Variants in MMS22L observed in about 807,000 individuals in gnomAD.
MMS22L encodes MMS22 like, DNA repair protein.
MMS22L carries 74 observed loss-of-function variants against 159.1 expected under a neutral mutation model. The observed-to-expected ratio is 0.47, with a 90% CI of 0.39 to 0.56. MMS22L has a LOEUF of 0.56. Ranked by LOEUF, MMS22L falls within the 20% of genes least tolerant of loss-of-function variation. The pLI is 0.00. For synonymous variants in MMS22L, 517 were observed against 506.9 expected (o/e 1.02, Z -0.27); for missense variants, 1,351 against 1,422.1 (o/e 0.95, Z 0.80).
At chr6:97,209,716 AAATT>A (rs903779612) in intron 14 of MMS22L, among the ~76,000 whole-genome samples, 3 of 152,028 alleles carry the variant, frequency 2.0e-5, no homozygotes, top group Admixed American at 1.3e-4. Context: ...TTTTTTGACT[AAATT>A]ATTTAACTAA....
chr6:97,198,542 A>G (rs1266784013), intron 14 of MMS22L, among the ~76,000 whole-genome samples: 1 of 152,202 alleles, frequency 6.6e-6, no homozygotes, highest in East Asian at 1.9e-4. Flanking sequence ...GCATATAAGA[A>G]GCACTATGTA....
chr6:97,160,564 C>T (rs1212114407), intron 22 of MMS22L, among the ~76,000 whole-genome samples: 1 of 152,122 alleles, frequency 6.6e-6, no homozygotes, highest in East Asian at 1.9e-4. Context: ...GGCATCTTTA[C>T]TATAATGTAT....
At chr6:97,170,168 G>A (rs185955703) in intron 19 of MMS22L, among the ~76,000 whole-genome samples, 15 of 152,200 alleles carry the variant, frequency 9.9e-5, no homozygotes, top group East Asian at 1.9e-4. Flanking sequence ...TACTATCTGC[G>A]GTTTCAGGCA....
chr6:97,237,564 G>A (rs916235335), intron 11 of MMS22L, among the ~76,000 whole-genome samples: 5 of 152,218 alleles, frequency 3.3e-5, no homozygotes, highest in Middle Eastern at 3.4e-3. Flanking sequence ...GTGTCTAAGA[G>A]CTCTCTGAAA....
intron 22 of MMS22L, among the ~76,000 whole-genome samples, chr6:97,155,921 A>G (rs903461745): frequency 6.6e-6 from 1 of 152,150 alleles, no homozygotes; most frequent in Non-Finnish European, 1.5e-5. Flanking sequence ...TGTCTTCCAC[A>G]ATGGTTGAAC....
chr6:97,225,284 T>G (rs1330527974), intron 14 of MMS22L, among the ~76,000 whole-genome samples: 1 of 152,208 alleles, frequency 6.6e-6, no homozygotes, highest in African/African-American at 2.4e-5. Context: ...GTATTTTTAA[T>G]GTCTATCCAG....
intron 21 of MMS22L, among the ~76,000 whole-genome samples, chr6:97,163,504 T>C (rs1292792308): frequency 3.3e-5 from 5 of 152,134 alleles, no homozygotes; most frequent in African/African-American, 4.8e-5. Flanking sequence ...GTTAAGTAAA[T>C]AGGAAAGTCA....
chr6:97,213,400 C>A (rs1396204730), intron 14 of MMS22L, among the ~76,000 whole-genome samples: 1 of 151,914 alleles, frequency 6.6e-6, no homozygotes, highest in Non-Finnish European at 1.5e-5. Context: ...GAGCAAAACT[C>A]CACCTCAAAA....
intron 10 of MMS22L, chr6:97,253,995 T>C (rs879754022): frequency 4.6e-5 from 7 of 152,356 alleles, no homozygotes; most frequent in Admixed American, 2.0e-4. Context: ...ATTTTATTCA[T>C]AGGGTTTTTA....
At chr6:97,186,998 G>A (rs1423083077) in intron 14 of MMS22L, among the ~76,000 whole-genome samples, 14 of 151,332 alleles carry the variant, frequency 9.3e-5, no homozygotes, top group Admixed American at 3.3e-4. Context: ...CATGACAAGT[G>A]ATTTTTACTT....
chr6:97,268,084 TAAC>T (rs1423479321), intron 7 of MMS22L, 82 bp from the exon 8 acceptor site: 6 of 977,526 alleles, frequency 6.1e-6, no homozygotes. Flanking sequence ...CTTTAAATTA[TAAC>T]AAAACTAAAA....
chr6:97,186,472 T>C, intron 15 of MMS22L, 25 bp downstream of exon 15: 3 of 1,592,988 alleles, frequency 1.9e-6, no homozygotes, highest in East Asian at 2.3e-5. Flanking sequence ...AAAGAGAAAT[T>C]AGCAAATTAA....
At chr6:97,247,226 C>T (rs1183970781) in intron 10 of MMS22L, among the ~76,000 whole-genome samples, 1 of 152,100 alleles carries the variant, frequency 6.6e-6, no homozygotes, top group East Asian at 1.9e-4. Flanking sequence ...AAAGGACTTT[C>T]ACAAAGGCTA....
chr6:97,161,582 C>G (rs185238708), intron 22 of MMS22L, among the ~76,000 whole-genome samples: 23 of 151,814 alleles, frequency 1.5e-4, no homozygotes, highest in Admixed American at 9.2e-4. Context: ...ATCAAAGGAC[C>G]CCTACCGGTT....
At chr6:97,178,856 C>T (rs17057481) in intron 17 of MMS22L, among the ~76,000 whole-genome samples, 14,718 of 151,426 alleles carry the variant, frequency 0.097, 1,414 homozygotes, top group African/African-American at 0.25. Flanking sequence ...TTCAGGCCAA[C>T]CTTCATGAAA....
At chr6:97,173,730 G>A (rs886071618) in intron 18 of MMS22L, among the ~76,000 whole-genome samples, 2 of 152,014 alleles carry the variant, frequency 1.3e-5, no homozygotes, top group Non-Finnish European at 2.9e-5. Flanking sequence ...GCCATCTGAT[G>A]CCAGCTTAAC....
intron 15 of MMS22L, among the ~76,000 whole-genome samples, chr6:97,185,860 A>C (rs557691510): frequency 6.6e-6 from 1 of 152,248 alleles, no homozygotes; most frequent in African/African-American, 2.4e-5. Context: ...AATACTTCTT[A>C]ACATATTTTG....
At chr6:97,212,108 T>C (rs1808446569) in intron 14 of MMS22L, among the ~76,000 whole-genome samples, 2 of 152,202 alleles carry the variant, frequency 1.3e-5, no homozygotes, top group African/African-American at 4.8e-5. Flanking sequence ...GTGTATTTCA[T>C]TTATTTGTTT....
At chr6:97,256,725 A>C (rs992791177) in intron 9 of MMS22L, among the ~76,000 whole-genome samples, 95 of 152,142 alleles carry the variant, frequency 6.2e-4, no homozygotes, top group African/African-American at 2.2e-3. Flanking sequence ...GCAAGGCAGA[A>C]GGACTGCTTG....
Sources: allele counts gnomAD v4.1 joint callset (sites outside exome capture counted in the v4.1 genomes callset), GRCh38; gene constraint gnomAD v4.1.1; transcripts MANE v1.5; gene names NCBI Gene and HGNC (gene_info 2026-07-23, HGNC 2026-07-21).